The following POFUT2 variants were observed in gnomAD, a reference collection of about 807,000 sequenced individuals.
POFUT2 encodes protein O-fucosyltransferase 2.
In POFUT2, 30 loss-of-function variants were observed where a neutral mutation model predicts 55.0. The observed-to-expected ratio is 0.55, with a 90% CI of 0.41 to 0.74. The LOEUF is 0.74. Among genes scored for constraint, POFUT2 ranks in the 30% least tolerant of loss-of-function variants. POFUT2 has a pLI of 0.00. For synonymous variants in POFUT2, 267 were observed against 231.1 expected, an observed-to-expected ratio of 1.16 and a Z score of -1.41; for missense variants, 524 against 562.6, an observed-to-expected ratio of 0.93 and a Z score of 0.69.
Position 45,277,634 on chromosome 21 carries a change from C to T in POFUT2, c.705+469G>A, listed in dbSNP as rs952141831. 3.7e-5 allele frequency: 8 copies of T among 216,582 alleles called. No homozygotes were observed. The highest frequency in any genetic ancestry group is 1.1e-4 in the Admixed American group (2 of 18,918). The allele number at this position is 216,582 out of a possible 1,614,324, so 13.4% of individuals were successfully genotyped here. On this transcript the variant is annotated intron_variant, in intron 5 of 8. Coordinates refer to ENST00000349485, the MANE Select transcript of POFUT2 (RefSeq NM_133635.6). The surrounding 1 kb of genome is among the most constrained non-coding windows in gnomAD (Gnocchi z 6.9). ...CACGTCAGCAGGCCTGCTGTGTCCA[C>T]GGGAGGGGGCAGCCACTTCCCGCCC...
chr21:45,282,861 C>A lies in POFUT2; in HGVS notation c.528-402G>T. 2.1e-6 allele frequency: 1 copy of A among 479,106 alleles called. No individual in the cohort carries two copies. The highest frequency in any genetic ancestry group is 4.3e-6 in the Non-Finnish European group (1 of 232,878). The allele number at this position is 479,106 out of a possible 1,614,324, so 29.7% of individuals were successfully genotyped here. On this transcript the variant is annotated intron_variant, in intron 3 of 8. Transcript: ENST00000349485. This position sits in a 1 kb window ranked among gnomAD's most constrained non-coding sequence, Gnocchi z 4.6. ...TGGACACATGGAGGCTGTTAACTGACAGCTTTTCCACAGGAGGCCTGGTAG... is the reference window on the plus strand; with the variant it reads ...TGGACACATGGAGGCTGTTAACTGAAAGCTTTTCCACAGGAGGCCTGGTAG...
intron 7 of POFUT2, among the ~76,000 whole-genome samples, chr21:45,268,368 CA>C (rs2093177573): frequency 6.6e-6 from 1 of 152,096 alleles, no homozygotes; most frequent in Non-Finnish European, 1.5e-5. Context: ...CTTGGCCTCC[CA>C]AAGTGCCAAG....
At chr21:45,275,812 T>A (rs2093257959) in intron 6 of POFUT2, among the ~76,000 whole-genome samples, 1 of 151,860 alleles carries the variant, frequency 6.6e-6, no homozygotes, top group Admixed American at 6.6e-5. Context: ...GTGATGGGTG[T>A]ACCAAAATCT....
rs201577734 is a variant in POFUT2, at chr21:45,277,095, G to A, written c.753C>T (p.Asp251=). Residue 251 remains aspartate (D), a synonymous_variant, in exon 6 of 9, where the codon GAC becomes GAT. Transcript: ENST00000349485. The surrounding 1 kb of genome is among the most constrained non-coding windows in gnomAD (Gnocchi z 6.9). ...VFARHLREVG[D]EFRSRHLNST... ...AGTTGAGATGTCTGCTCCTGAACTC[G>A]TCTCCCACCTCCCGCAGGTGCCTGG... 469 of 1,614,010 alleles carry A rather than the reference G, an allele frequency of 2.9e-4. 1 individual carries two copies. The highest frequency in any genetic ancestry group is 3.7e-4 in the Non-Finnish European group (440 of 1,179,966).
rs1205386091 is a variant in POFUT2, at chr21:45,281,118, C to A, written c.638+1231G>T. Among the ~76,000 whole-genome samples the A allele has an allele frequency of 6.6e-6, 1 of 152,040 alleles. No homozygotes were observed. Among genetic ancestry groups the A allele is most frequent in the Admixed American group, 6.6e-5 (1 of 15,252 alleles). On this transcript the variant is annotated intron_variant, in intron 4 of 8. Coordinates refer to ENST00000349485, the MANE Select transcript of POFUT2 (RefSeq NM_133635.6). The surrounding 1 kb of genome is among the most constrained non-coding windows in gnomAD (Gnocchi z 5.0). ...TTCCCTGGGTGCTGGGGGCAGATGA[C>A]CTCACCGCCCATCATCAGCCTCCTT...
rs150095145 is a variant in POFUT2, at chr21:45,264,462, C to CGTG, written c.*1017_*1019dup. ...CGTTGCCCTCTTTGCAGATGCCCCT[C>CGTG]GTGGTGGTGGCACAAAGACCTAAAA... is the stretch of plus-strand genomic sequence containing the variant. On this transcript the variant is annotated 3_prime_UTR_variant, in exon 9 of 9. Coordinates refer to ENST00000349485, the MANE Select transcript of POFUT2 (RefSeq NM_133635.6). 6.6e-6 allele frequency: 1 copy of CGTG among 152,244 alleles called. No individual in the cohort carries two copies. The highest frequency in any genetic ancestry group is 2.1e-4 in the South Asian group (1 of 4,830). 9.4% of individuals were successfully genotyped at this position (152,244 alleles called of 1,614,324 possible). A position where few individuals can be genotyped will look rare whatever the true frequency, so the allele number is the denominator to read the frequency against.
intron 6 of POFUT2, among the ~76,000 whole-genome samples, 162 bp downstream of exon 6, chr21:45,276,855 G>A (rs947571850): frequency 1.3e-5 from 2 of 152,156 alleles, no homozygotes; most frequent in South Asian, 2.1e-4. Flanking sequence ...GGCGCCTCCC[G>A]AGAGCAGGTC....
At position 45,285,689 on chromosome 21, in the gene POFUT2, T is replaced by G; in HGVS notation, c.371A>C (p.Gln124Pro). Reference sequence around the variant, plus strand: ...CCGCTCGGCCTCACCTGCGATGAACTGCTCATACTCGATGACGGGGATGTT... The same window carrying G: ...CCGCTCGGCCTCACCTGCGATGAACGGCTCATACTCGATGACGGGGATGTT... ...NKNIPVIEYE[Q>P]FIAESGGPFI... The change falls in exon 2 of 9, where the codon CAG becomes CCG. Residue 124 changes from glutamine (Q) to proline (P), a missense_variant. Around this residue, in one of 2 missense-constraint regions of POFUT2, gnomAD observed 274 missense variants for 244.4 expected, o/e 1.12. Coordinates refer to ENST00000349485, the MANE Select transcript of POFUT2 (RefSeq NM_133635.6). The surrounding 1 kb of genome is among the most constrained non-coding windows in gnomAD (Gnocchi z 4.9). The G allele has an allele frequency of 6.2e-7, 1 of 1,613,762 alleles. No individual in the cohort carries two copies. The highest frequency in any genetic ancestry group is 8.5e-7 in the Non-Finnish European group (1 of 1,180,014).
intron 6 of POFUT2, 110 bp downstream of exon 6, chr21:45,276,907 C>T (rs895466851): frequency 2.5e-5 from 31 of 1,226,708 alleles, no homozygotes; most frequent in South Asian, 4.1e-5. Context: ...GAGGCATCCA[C>T]GCCCACAGAC....
chr21:45,276,997 A>T lies in POFUT2; in HGVS notation c.831+20T>A. On this transcript the variant is annotated intron_variant, in intron 6 of 8. Transcript: ENST00000349485. ...AGAGACTTTACCTTTTCTCTAATTA[A>T]CAAAAGGGAGGGGGGCTACCTTCAT... The T allele has an allele frequency of 6.2e-7, 1 of 1,612,954 alleles. No individual in the cohort carries two copies. The highest frequency in any genetic ancestry group is 8.5e-7 in the Non-Finnish European group (1 of 1,179,268).
rs944976424 is a variant in POFUT2 at position 45,265,419 on chromosome 21, G to A, written c.*63C>T. On this transcript the variant is annotated 3_prime_UTR_variant, in exon 9 of 9. Coordinates refer to ENST00000349485, the MANE Select transcript of POFUT2 (RefSeq NM_133635.6). The surrounding 1 kb of genome is among the most constrained non-coding windows in gnomAD (Gnocchi z 4.6). The stretch of plus-strand genomic sequence containing the variant: ...GGCTGGCAGTAGACGGTGACTCCAC[G>A]GCGACAGAACCTGCATCCACCCGCG... The A allele has an allele frequency of 1.1e-4, 157 of 1,456,842 alleles. 1 individual carries two copies. Among genetic ancestry groups the A allele is most frequent in the East Asian group, 8.7e-4 (38 of 43,632 alleles). The allele number at this position is 1,456,842 out of a possible 1,614,324, so 90.2% of individuals were successfully genotyped here. A position where few individuals can be genotyped will look rare whatever the true frequency, so the allele number is the denominator to read the frequency against.
At chr21:45,279,226 C>T (rs1414499407) in intron 4 of POFUT2, among the ~76,000 whole-genome samples, 2 of 152,046 alleles carry the variant, frequency 1.3e-5, no homozygotes, top group Non-Finnish European at 2.9e-5. Flanking sequence ...CCCGTCTCTA[C>T]TAAAAATACA....
chr21:45,287,834 G>A lies in POFUT2; in HGVS notation c.38C>T (p.Ala13Val). The A allele has an allele frequency of 2.7e-6, 4 of 1,458,892 alleles. No homozygotes were observed. The highest frequency in any genetic ancestry group is 2.7e-6 in the Non-Finnish European group (3 of 1,098,564). 90.4% of individuals were successfully genotyped at this position (1,458,892 alleles called of 1,614,324 possible). The change falls in exon 1 of 9, where the codon GCA (alanine) becomes GTA (valine). Residue 13 changes from alanine (A) to valine (V), a missense_variant. Around this residue, in one of 2 missense-constraint regions of POFUT2, gnomAD observed 274 missense variants for 244.4 expected, o/e 1.12. Transcript: ENST00000349485. ...GGCAGAAGCCGGAGGCCAGGACACT[G>A]CCCCCAGCAGCAGGAAGACGAAGCT... ...TLSFVFLLLG[A>V]VSWPPASASG...
At position 45,268,825 on chromosome 21, in the gene POFUT2, CTCCGCCCGG is replaced by C. The variant is rs1569217540; in HGVS notation, c.1012+1005_1012+1013del. Among the ~76,000 whole-genome samples, 30 of 138,544 alleles carry C rather than the reference CTCCGCCCGG, an allele frequency of 2.2e-4. 1 individual carries two copies. The highest frequency in any genetic ancestry group is 8.3e-4 in the African/African-American group (30 of 36,076). The allele number at this position is 138,544 out of a possible 152,430, so 90.9% of individuals were successfully genotyped here. ...CGGGAGGGAGGTGGGGGGGTCAGCC[CTCCGCCCGG>C]CCAGCCGCCCCGTCCGGGAGGGAGG... On this transcript the variant is annotated intron_variant, in intron 7 of 8. Transcript: ENST00000349485.
At position 45,279,163 on chromosome 21, in the gene POFUT2, G is replaced by A. The variant is rs1484166160; in HGVS notation, c.639-994C>T. Among the ~76,000 whole-genome samples, 5 of 151,088 alleles carry A rather than the reference G, an allele frequency of 3.3e-5. No homozygotes were observed. The East Asian group carries it at 7.7e-4, about 23-fold the overall frequency. On this transcript the variant is annotated intron_variant, in intron 4 of 8. Transcript: ENST00000349485. ...TCCCAGCACTTTGGGAGGCCAAGGT[G>A]GGCGGATCACGAGGTCAGGAGATCG...
Position 45,277,338 on chromosome 21 carries a change from C to T in POFUT2, c.706-196G>A. The T allele has an allele frequency of 1.5e-6, 1 of 678,130 alleles. No homozygotes were observed. Among genetic ancestry groups the T allele is most frequent in the Non-Finnish European group, 2.4e-6 (1 of 421,230 alleles). The allele number at this position is 678,130 out of a possible 1,614,324, so 42.0% of individuals were successfully genotyped here. A position where few individuals can be genotyped will look rare whatever the true frequency, so the allele number is the denominator to read the frequency against. The stretch of plus-strand genomic sequence containing the variant: ...GAGGGTCTCCTGCATGAAGCCAACG[C>T]AGGGCAAGCCGCCCACCCCTGCCGG... On this transcript the variant is annotated intron_variant, in intron 5 of 8. Coordinates refer to ENST00000349485, the MANE Select transcript of POFUT2 (RefSeq NM_133635.6). The surrounding 1 kb of genome is among the most constrained non-coding windows in gnomAD (Gnocchi z 6.9).
Position 45,277,797 on chromosome 21 carries a change from T to A in POFUT2, c.705+306A>T, listed in dbSNP as rs1375250680. 1.3e-5 allele frequency: 6 copies of A among 446,434 alleles called. No individual in the cohort carries two copies. Among genetic ancestry groups the A allele is most frequent in the Non-Finnish European group, 1.6e-5 (4 of 247,416 alleles). The allele number at this position is 446,434 out of a possible 1,614,324, so 27.7% of individuals were successfully genotyped here. A position where few individuals can be genotyped will look rare whatever the true frequency, so the allele number is the denominator to read the frequency against. On this transcript the variant is annotated intron_variant, in intron 5 of 8. Transcript: ENST00000349485. The surrounding 1 kb of genome is among the most constrained non-coding windows in gnomAD (Gnocchi z 6.9). ...AGCTAAAGAGAGGAGAAAGGAGGGGTCTACGTTCCAGCCACTGACGGAGTC... is the reference window on the plus strand; with the variant it reads ...AGCTAAAGAGAGGAGAAAGGAGGGGACTACGTTCCAGCCACTGACGGAGTC...
Position 45,283,363 on chromosome 21 carries a change from G to A in POFUT2, c.527+20C>T, listed in dbSNP as rs757919803. On this transcript the variant is annotated intron_variant, in intron 3 of 8. Coordinates refer to ENST00000349485, the MANE Select transcript of POFUT2 (RefSeq NM_133635.6). ...AGGTGGGGGGGCACCTGCGGCAGGG[G>A]GAGCAGCCTCAGCAGGCACCTGTAG... is the stretch of plus-strand genomic sequence containing the variant. 1.3e-6 allele frequency: 2 copies of A among 1,586,484 alleles called. No individual in the cohort carries two copies. The highest frequency in any genetic ancestry group is 1.7e-6 in the Non-Finnish European group (2 of 1,169,450).
Position 45,265,644 on chromosome 21 carries a change from G to A in POFUT2, c.1137-9C>T, listed in dbSNP as rs1162841238. 1.2e-6 allele frequency: 2 copies of A among 1,606,650 alleles called. No homozygotes were observed. The highest frequency in any genetic ancestry group is 1.7e-6 in the Non-Finnish European group (2 of 1,176,842). ...AGGTGCCAATAAAAAACCTGCAAAG[G>A]ATCACAGAGGTTCCAGAGTCAGGGA... On this transcript the variant is annotated splice_polypyrimidine_tract_variant and intron_variant, in intron 8 of 8. Transcript: ENST00000349485. The surrounding 1 kb of genome is among the most constrained non-coding windows in gnomAD (Gnocchi z 4.6).
Sources: gnomAD v4.1 joint callset for allele counts (sites outside exome capture counted in the v4.1 genomes callset) on GRCh38, gnomAD v4.1.1 for gene constraint, gnomAD v4.1.1 regional missense constraint, Gnocchi (gnomAD v3.1) non-coding constraint, MANE v1.5 for transcripts, NCBI Gene and HGNC (gene_info 2026-07-23, HGNC 2026-07-21) for gene names.